The following CHN1 variants were observed in gnomAD, a reference collection of about 807,000 sequenced individuals.
CHN1 encodes the protein chimerin 1.
Under a neutral mutation model 59.5 loss-of-function variants are expected in CHN1, and 37 were observed. The ratio of observed to expected loss-of-function variants is 0.62; its 90% confidence interval spans 0.48 to 0.82. The LOEUF (loss-of-function observed/expected upper bound fraction) is 0.82, where lower values mean the gene tolerates loss of function less well. Among genes scored for constraint, CHN1 ranks in the 40% least tolerant of loss-of-function variants. CHN1 has a pLI of 0.00. For missense variants in CHN1, 469 were observed against 571.0 expected (o/e 0.82, Z 1.82); for synonymous variants, 206 against 200.4 (o/e 1.03, Z -0.24).
intron 1 of CHN1, among the ~76,000 whole-genome samples, chr2:174,975,570 A>T (rs906567121): frequency 6.6e-6 from 1 of 152,098 alleles, no homozygotes; most frequent in African/African-American, 2.4e-5. Context: ...TGTACCTGGA[A>T]GAGCAGTCAT....
At chr2:174,878,501 T>G (rs1398237053) in intron 5 of CHN1, among the ~76,000 whole-genome samples, 1 of 152,234 alleles carries the variant, frequency 6.6e-6, no homozygotes, top group East Asian at 1.9e-4. Flanking sequence ...ATTTCTATAC[T>G]AACATTTTTT....
At chr2:174,941,496 C>T (rs1689662420) in intron 3 of CHN1, among the ~76,000 whole-genome samples, 2 of 152,156 alleles carry the variant, frequency 1.3e-5, no homozygotes, top group African/African-American at 4.8e-5. Context: ...CCTAAGAACC[C>T]TGGTTCCCCC....
At chr2:174,961,199 AAGGGAGGGAGGGAAGAAGGGAGGG>A (rs1690393354) in intron 1 of CHN1, among the ~76,000 whole-genome samples, 2 of 61,580 alleles carry the variant, frequency 3.2e-5, no homozygotes, top group African/African-American at 5.3e-5. Flanking sequence ...GAAGGGAGGG[AAGGGAGGGAGGGAAGAAGGGAGGG>A]AGGGAGGGAG....
At chr2:174,838,836 G>A (rs370508956) in intron 7 of CHN1, among the ~76,000 whole-genome samples, 5 of 152,014 alleles carry the variant, frequency 3.3e-5, no homozygotes, top group Middle Eastern at 3.4e-3. Flanking sequence ...CCAACATGGC[G>A]AAACCCCATC....
chr2:174,970,501 C>G (rs1690725319), intron 1 of CHN1, among the ~76,000 whole-genome samples: 1 of 152,144 alleles, frequency 6.6e-6, no homozygotes, highest in Non-Finnish European at 1.5e-5. Context: ...ATGAGCTTGA[C>G]AGTTTGTTAA....
intron 4 of CHN1, among the ~76,000 whole-genome samples, chr2:174,917,036 A>T (rs1422372951): frequency 2.0e-5 from 3 of 152,192 alleles, no homozygotes; most frequent in Admixed American, 2.0e-4. Context: ...CACTAAAAAC[A>T]CAAAGAATTA....
chr2:174,894,661 C>T (rs1054493401), intron 5 of CHN1, among the ~76,000 whole-genome samples: 2 of 152,094 alleles, frequency 1.3e-5, no homozygotes, highest in African/African-American at 4.8e-5. Context: ...CTTGAAGATA[C>T]TTGCACACCC....
At chr2:174,879,935 C>T (rs1038558705) in intron 5 of CHN1, among the ~76,000 whole-genome samples, 7 of 152,128 alleles carry the variant, frequency 4.6e-5, no homozygotes, top group African/African-American at 1.7e-4. Flanking sequence ...GGGAAGATGG[C>T]TGCACTGGGA....
intron 3 of CHN1, among the ~76,000 whole-genome samples, chr2:174,933,219 CTG>C (rs1053050637): frequency 2.0e-5 from 3 of 151,954 alleles, no homozygotes; most frequent in Non-Finnish European, 4.4e-5. Flanking sequence ...GGAGAAAGGA[CTG>C]GACATATAAA....
intron 6 of CHN1, among the ~76,000 whole-genome samples, chr2:174,851,450 T>C (rs1161825358): frequency 6.6e-6 from 1 of 152,058 alleles, no homozygotes; most frequent in Non-Finnish European, 1.5e-5. Flanking sequence ...CAGATAATTC[T>C]TGTATTTTTT....
rs149744830 is a variant in CHN1, at chr2:174,824,761, C to T, written c.628-243G>A. On this transcript the variant is annotated intron_variant, in intron 7 of 12. Coordinates refer to ENST00000409900, the MANE Select transcript of CHN1 (RefSeq NM_001822.7). ...GAGTAGCTGGGACTACAGGCACACACGACCACACCCAGATAATTTTTGTAT... is the reference window on the plus strand; with the variant it reads ...GAGTAGCTGGGACTACAGGCACACATGACCACACCCAGATAATTTTTGTAT... Among the ~76,000 whole-genome samples, 826 of 152,222 alleles carry T rather than the reference C, an allele frequency of 5.4e-3. 3 individuals carry two copies. Among genetic ancestry groups the T allele is most frequent in the African/African-American group, 0.019 (775 of 41,524 alleles).
intron 5 of CHN1, among the ~76,000 whole-genome samples, chr2:174,911,472 C>T (rs553234705): frequency 6.6e-6 from 1 of 152,316 alleles, no homozygotes; most frequent in South Asian, 2.1e-4. Context: ...TATATGCTTC[C>T]CTTGTGTGAC....
At chr2:174,867,643 T>C (rs1464263943) in intron 6 of CHN1, among the ~76,000 whole-genome samples, 4 of 152,086 alleles carry the variant, frequency 2.6e-5, no homozygotes, top group African/African-American at 9.7e-5. Flanking sequence ...ATTGAAAGAA[T>C]GAATGAATAA....
At chr2:174,807,769 A>G (rs569246484) in intron 11 of CHN1, among the ~76,000 whole-genome samples, 1 of 152,316 alleles carries the variant, frequency 6.6e-6, no homozygotes, top group East Asian at 1.9e-4. Flanking sequence ...AATCCTCTAC[A>G]AAAGCCCTGA....
chr2:174,870,778 C>G (rs527993086), intron 6 of CHN1, among the ~76,000 whole-genome samples: 73 of 152,306 alleles, frequency 4.8e-4, no homozygotes, highest in Non-Finnish European at 9.3e-4. Context: ...AAAATAAAGA[C>G]TTTGAAGTAG....
intron 6 of CHN1, among the ~76,000 whole-genome samples, chr2:174,871,585 T>G (rs187614745): frequency 6.6e-6 from 1 of 152,300 alleles, no homozygotes; most frequent in Admixed American, 6.5e-5. Context: ...AATTTCTTAT[T>G]CGTGATTCTG....
intron 6 of CHN1, among the ~76,000 whole-genome samples, chr2:174,876,406 T>C (rs1040898128): frequency 1.3e-5 from 2 of 152,168 alleles, no homozygotes; most frequent in Non-Finnish European, 2.9e-5. Context: ...GTCAGTATTA[T>C]TCAAATACAA....
At chr2:174,983,230 TTTAC>T (rs1272448931) in intron 1 of CHN1, among the ~76,000 whole-genome samples, 1 of 152,180 alleles carries the variant, frequency 6.6e-6, no homozygotes, top group Non-Finnish European at 1.5e-5. Flanking sequence ...CTTTTTATGT[TTTAC>T]TTAAATACAC....
At chr2:174,844,772 CAG>C (rs554737475) in intron 7 of CHN1, among the ~76,000 whole-genome samples, 6 of 152,068 alleles carry the variant, frequency 3.9e-5, no homozygotes, top group Admixed American at 2.0e-4. Flanking sequence ...TTTTAAATAA[CAG>C]AGAGTAACTT....
Sources: allele counts gnomAD v4.1 joint callset (sites outside exome capture counted in the v4.1 genomes callset), GRCh38; gene constraint gnomAD v4.1.1; transcripts MANE v1.5; gene names NCBI Gene and HGNC (gene_info 2026-07-23, HGNC 2026-07-21).